ZNF292: variants seen among roughly 807,000 people sequenced by gnomAD.
ZNF292 encodes 16 zinc-finger domain protein.
In ZNF292, 26 loss-of-function variants were observed where a neutral mutation model predicts 217.9. The ratio of observed to expected loss-of-function variants is 0.12; its 90% CI spans 0.09 to 0.17. The LOEUF is 0.17. ZNF292 is among the 10% of genes least tolerant of loss of function. The pLI, the probability that ZNF292 is intolerant of heterozygous loss-of-function variation, is 1.00. For synonymous variants in ZNF292, 1,257 were observed against 1,124.1 expected, an observed-to-expected ratio of 1.12 and a Z score of -2.37; for missense variants, 2,904 against 3,175.2, an observed-to-expected ratio of 0.91 and a Z score of 2.05.
At chr6:87,202,640 ACC>A (rs1433851617) in intron 1 of ZNF292, among the ~76,000 whole-genome samples, 4 of 152,102 alleles carry the variant, frequency 2.6e-5, no homozygotes, top group African/African-American at 2.4e-5. Context: ...TTTTCTGGAT[ACC>A]CTCTATCACA....
chr6:87,245,455 A>G (rs760510110), intron 6 of ZNF292, 48 bp from the exon 7 acceptor site: 1 of 1,372,060 alleles, frequency 7.3e-7, no homozygotes, highest in African/African-American at 1.5e-5. Context: ...GTCCATGATT[A>G]TTACCTTACT....
rs956911839 is a variant in ZNF292, at chr6:87,264,226, A to G, written c.*2425A>G. The G allele has an allele frequency of 6.6e-6, 1 of 152,194 alleles. No homozygotes were observed. The highest frequency in any genetic ancestry group is 2.4e-5 in the African/African-American group (1 of 41,452). The allele number at this position is 152,194 out of a possible 1,614,324, so 9.4% of individuals were successfully genotyped here. ...TTTCCCCAGCCTATTGTCTTGAGAT[A>G]TCTTCTACAGCCTAAATTTGCTAAA... On this transcript the variant is annotated 3_prime_UTR_variant, in exon 8 of 8. Transcript: ENST00000369577.
intron 5 of ZNF292, among the ~76,000 whole-genome samples, chr6:87,241,747 A>C (rs936130490): frequency 6.6e-6 from 1 of 152,180 alleles, no homozygotes; most frequent in Non-Finnish European, 1.5e-5. Context: ...TGTCAGCCAG[A>C]CATGATTGGA....
At chr6:87,242,037 G>A (rs550519140) in intron 5 of ZNF292, among the ~76,000 whole-genome samples, 2 of 152,330 alleles carry the variant, frequency 1.3e-5, no homozygotes, top group African/African-American at 2.4e-5. Flanking sequence ...TAAAATGTTA[G>A]TGATAATACC....
Position 87,259,585 on chromosome 6 carries a change from A to G in ZNF292, c.5956A>G (p.Arg1986Gly), listed in dbSNP as rs865812620. 6.3e-7 allele frequency: 1 copy of G among 1,577,096 alleles called. No individual in the cohort carries two copies. Among genetic ancestry groups the G allele is most frequent in the East Asian group, 2.3e-5 (1 of 43,208 alleles). The change falls in exon 8 of 8, where the codon AGG becomes GGG. Residue 1986 changes from arginine to glycine, a missense_variant. Arg to Gly is a moderately radical substitution (Grantham distance 125). This residue lies in a region of ZNF292 where 261 missense variants were observed against 272.8 expected (regional missense o/e 0.96). Coordinates refer to ENST00000369577, the MANE Select transcript of ZNF292 (RefSeq NM_015021.3). ...AGAAATGGTAAAGTTAAAAATTAAA[A>G]GGCCTTATGGAAGAAAATCTCAGAG... is the stretch of plus-strand genomic sequence containing the variant. Reference protein sequence around the residue: ...TEEMVKLKIKRPYGRKSQSEN... With the variant: ...TEEMVKLKIKGPYGRKSQSEN...
chr6:87,189,059 G>C (rs10944300), intron 1 of ZNF292, among the ~76,000 whole-genome samples: 17,654 of 151,800 alleles, frequency 0.12, 1,166 homozygotes, highest in African/African-American at 0.17. Flanking sequence ...ACAAAAATTA[G>C]CTGGATAAGG....
At position 87,241,283 on chromosome 6, in the gene ZNF292, CATAA is replaced by C. The variant is rs111321821; in HGVS notation, c.742-2172_742-2169del. Among the ~76,000 whole-genome samples, 32 of 151,722 alleles carry C rather than the reference CATAA, an allele frequency of 2.1e-4. No homozygotes were observed. The South Asian group carries it at 2.5e-3, about 12-fold the overall frequency. On this transcript the variant is annotated intron_variant, in intron 5 of 7. Transcript: ENST00000369577. Reference sequence around the variant, plus strand: ...TGAGCAACAGAGCAAGACTCCGTCTCATAAATAAATAAATAAATAAATATATAAA... The same window carrying C: ...TGAGCAACAGAGCAAGACTCCGTCTCATAAATAAATAAATAAATATATAAA...
intron 1 of ZNF292, among the ~76,000 whole-genome samples, chr6:87,186,764 C>T (rs1771673218): frequency 6.6e-6 from 1 of 152,152 alleles, no homozygotes; most frequent in Non-Finnish European, 1.5e-5. Flanking sequence ...CAGGGAAGTA[C>T]AGGTGATTCG....
chr6:87,258,816 A>G lies in ZNF292; in HGVS notation c.5187A>G (p.Gln1729=). The G allele has an allele frequency of 6.2e-7, 1 of 1,613,102 alleles. No individual in the cohort carries two copies. Among genetic ancestry groups the G allele is most frequent in the Non-Finnish European group, 8.5e-7 (1 of 1,179,510 alleles). Residue 1729 remains glutamine (Q), a synonymous_variant, in exon 8 of 8, where the codon CAA becomes CAG. Transcript: ENST00000369577. ...TAAAAACTGAAAATGGTGATTCCCA[A>G]ATGATGGCTTTGAATTCATGCACAA... ...LTLKTENGDS[Q]MMALNSCTTS... is the part of the protein sequence containing the mutation.
intron 7 of ZNF292, among the ~76,000 whole-genome samples, chr6:87,247,280 C>CACAT (rs1175664016): frequency 3.6e-5 from 4 of 110,096 alleles, no homozygotes; most frequent in Non-Finnish European, 1.7e-5. Context: ...AACACACACA[C>CACAT]ATGCGCACGC....
At chr6:87,243,407 A>G (rs1774412540) in intron 5 of ZNF292, 68 bp from the exon 6 acceptor site, 6 of 1,260,542 alleles carry the variant, frequency 4.8e-6, no homozygotes, top group Non-Finnish European at 6.3e-6. Context: ...ATGAAAACTA[A>G]AGGTATATTG....
In ZNF292 at chr6:87,190,295, T is replaced by A. The variant is rs1771787091; in HGVS notation, c.169-25608T>A. Among the ~76,000 whole-genome samples, 3 of 152,324 alleles carry A rather than the reference T, an allele frequency of 2.0e-5. No individual in the cohort carries two copies. The South Asian group carries it at 6.2e-4, about 32-fold the overall frequency. The stretch of plus-strand genomic sequence containing the variant: ...GCTAGCTTTCTTCATTCAGGTACTT[T>A]CAGAAGCATTAATGAACATTGTCTT... On this transcript the variant is annotated intron_variant, in intron 1 of 7. Coordinates refer to ENST00000369577, the MANE Select transcript of ZNF292 (RefSeq NM_015021.3).
At chr6:87,212,061 G>T (rs1206878128) in intron 1 of ZNF292, among the ~76,000 whole-genome samples, 1 of 152,072 alleles carries the variant, frequency 6.6e-6, no homozygotes. Flanking sequence ...CAATGTTAGG[G>T]GTTCTCACAA....
chr6:87,201,645 C>G (rs947430293), intron 1 of ZNF292, among the ~76,000 whole-genome samples: 3 of 152,108 alleles, frequency 2.0e-5, no homozygotes, highest in African/African-American at 7.2e-5. Context: ...CTCAAGTGAT[C>G]CGCCCACCTC....
chr6:87,160,487 A>ATGTGTG (rs141208047), intron 1 of ZNF292, among the ~76,000 whole-genome samples: 9,142 of 77,650 alleles, frequency 0.12, 435 homozygotes, highest in African/African-American at 0.2. Context: ...GTGTTTGTAT[A>ATGTGTG]TATATGTGTG....
At position 87,259,936 on chromosome 6, in the gene ZNF292, G is replaced by C. The variant is rs1775471031; in HGVS notation, c.6307G>C (p.Glu2103Gln). 1.2e-6 allele frequency: 2 copies of C among 1,613,644 alleles called. No homozygotes were observed. The highest frequency in any genetic ancestry group is 1.3e-5 in the African/African-American group (1 of 75,014). The change falls in exon 8 of 8, where the codon GAG becomes CAG. Residue 2103 changes from glutamate to glutamine, a missense_variant. By Grantham distance (29) the Glu-to-Gln change is conservative. Around this residue, in one of 15 missense-constraint regions of ZNF292, gnomAD observed 261 missense variants for 272.8 expected, o/e 0.96. Coordinates refer to ENST00000369577, the MANE Select transcript of ZNF292 (RefSeq NM_015021.3). ...KRKKPVSQSL[E>Q]FPTRYSPYRP... ...AAAGAAGCCAGTTTCCCAATCCCTTGAGTTTCCAACAAGATACAGTCCTTA... is the reference window on the plus strand; with the variant it reads ...AAAGAAGCCAGTTTCCCAATCCCTTCAGTTTCCAACAAGATACAGTCCTTA...
At chr6:87,248,874 G>A (rs1004732988) in intron 7 of ZNF292, among the ~76,000 whole-genome samples, 5 of 152,194 alleles carry the variant, frequency 3.3e-5, no homozygotes, top group African/African-American at 1.2e-4. Flanking sequence ...AGGATGGGGT[G>A]CAAAATACTG....
intron 1 of ZNF292, among the ~76,000 whole-genome samples, chr6:87,203,229 C>T (rs1444463613): frequency 6.7e-6 from 1 of 150,056 alleles, no homozygotes; most frequent in East Asian, 2.0e-4. Context: ...CAACCTTGAC[C>T]TCCAAGGTTA....
In ZNF292 at chr6:87,218,644, T is replaced by C. The variant is rs1467258785; in HGVS notation, c.451T>C (p.Leu151=). ...GAATGGCAGCTGTGAATTGCATTTTTTAGCTACTCTAGCTCAAGAGACTGG... is the reference window on the plus strand; with the variant it reads ...GAATGGCAGCTGTGAATTGCATTTTCTAGCTACTCTAGCTCAAGAGACTGG... The part of the protein sequence containing the change: ...MENGSCELHF[L]ATLAQETGVW... The change falls in exon 4 of 8, where the codon TTA becomes CTA. Residue 151 remains leucine, a synonymous_variant. Coordinates refer to ENST00000369577, the MANE Select transcript of ZNF292 (RefSeq NM_015021.3). The C allele has an allele frequency of 6.3e-7, 1 of 1,579,220 alleles. No homozygotes were observed. The highest frequency in any genetic ancestry group is 1.2e-5 in the South Asian group (1 of 85,470).
Sources: gnomAD v4.1 joint callset for allele counts (sites outside exome capture counted in the v4.1 genomes callset) on GRCh38, gnomAD v4.1.1 for gene constraint, gnomAD v4.1.1 regional missense constraint, MANE v1.5 for transcripts, NCBI Gene and HGNC (gene_info 2026-07-23, HGNC 2026-07-21) for gene names.